The following CNKSR3 variants were observed in gnomAD, a reference collection of about 807,000 sequenced individuals.
The protein encoded by CNKSR3 is CNKSR family member 3, also known as connector enhancer of kinase suppressor of ras 3.
CNKSR3 carries 36 observed loss-of-function variants against 67.7 expected under a neutral mutation model. That is an observed-to-expected ratio of 0.53 (90% confidence interval 0.41 to 0.70). CNKSR3 has a LOEUF of 0.70. Ranked by LOEUF, CNKSR3 falls within the 30% of genes least tolerant of loss-of-function variation. CNKSR3 has a pLI of 0.00. For missense variants in CNKSR3, 630 were observed against 695.2 expected, an observed-to-expected ratio of 0.91 and a Z score of 1.05; for synonymous variants, 281 against 271.4, an observed-to-expected ratio of 1.04 and a Z score of -0.35.
chr6:154,433,343 T>C (rs574178650), intron 5 of CNKSR3, 123 bp downstream of exon 5: 2 of 707,562 alleles, frequency 2.8e-6, no homozygotes, highest in African/African-American at 1.8e-5. Flanking sequence ...TAAAAACTCA[T>C]GTCCCAAAAG....
rs1166654953 is a variant in CNKSR3, at chr6:154,420,688, C to CA, written c.945+1817dup. 1.0e-2 allele frequency among the ~76,000 whole-genome samples: 793 copies of CA among 79,360 alleles called. 37 individuals carry two copies. The highest frequency in any genetic ancestry group is 0.014 in the Non-Finnish European group (607 of 42,166). The allele number at this position is 79,360 out of a possible 152,430, so 52.1% of individuals were successfully genotyped here. ...TGGGCGACAGAGCGAGACTCCGTCT[C>CA]AAAAAAAAAAAAAAAAAAAAAAAAA... On this transcript the variant is annotated intron_variant, in intron 9 of 12. Transcript: ENST00000607772.
At chr6:154,448,939 C>T (rs544095686) in intron 2 of CNKSR3, among the ~76,000 whole-genome samples, 12 of 152,322 alleles carry the variant, frequency 7.9e-5, no homozygotes, top group African/African-American at 2.4e-4. Context: ...AGCCTGAATG[C>T]TGTCGAGTTT....
rs35204086 is a variant in CNKSR3, at chr6:154,395,977, G to A, written c.*10377C>T. On this transcript the variant is annotated 3_prime_UTR_variant, in exon 13 of 13. Coordinates refer to ENST00000607772, the MANE Select transcript of CNKSR3 (RefSeq NM_173515.4). ...AACTCCTGGGCTCAAGCAATCCACC[G>A]GCCTCAGCCTCCCAAAATGCTGAGA... The A allele has an allele frequency of 0.11, 16,314 of 152,266 alleles. 1,176 individuals carry two copies. Among genetic ancestry groups the A allele is most frequent in the Admixed American group, 0.24 (3,679 of 15,284 alleles). 9.4% of individuals were successfully genotyped at this position (152,266 alleles called of 1,614,324 possible).
intron 9 of CNKSR3, among the ~76,000 whole-genome samples, chr6:154,419,382 C>T (rs932927104): frequency 1.6e-4 from 24 of 152,008 alleles, no homozygotes; most frequent in African/African-American, 5.8e-4. Context: ...ATACAAATGG[C>T]CAACAGAGAT....
intron 9 of CNKSR3, among the ~76,000 whole-genome samples, chr6:154,421,041 T>C (rs1374862684): frequency 6.6e-6 from 1 of 152,218 alleles, no homozygotes; most frequent in African/African-American, 2.4e-5. Flanking sequence ...TGAGACAGGG[T>C]CTCACTCTGT....
Position 154,404,995 on chromosome 6 carries a change from A to C in CNKSR3, c.*1359T>G, listed in dbSNP as rs1784758844. ...GGGCTGAATTCCAGGCAGTTCAGCA[A>C]ACTCAACAATTCCGGTGGTATGAGA... On this transcript the variant is annotated 3_prime_UTR_variant, in exon 13 of 13. Coordinates refer to ENST00000607772, the MANE Select transcript of CNKSR3 (RefSeq NM_173515.4). 6.6e-6 allele frequency: 1 copy of C among 152,220 alleles called. No individual in the cohort carries two copies. Among genetic ancestry groups the C allele is most frequent in the Non-Finnish European group, 1.5e-5 (1 of 68,046 alleles). The allele number at this position is 152,220 out of a possible 1,614,324, so 9.4% of individuals were successfully genotyped here.
intron 1 of CNKSR3, among the ~76,000 whole-genome samples, chr6:154,469,946 T>G (rs1288928878): frequency 6.6e-6 from 1 of 152,166 alleles, no homozygotes; most frequent in African/African-American, 2.4e-5. Context: ...TAATTTTTTC[T>G]GATATTTTGA....
At position 154,402,573 on chromosome 6, in the gene CNKSR3, C is replaced by A. The variant is rs1562314677; in HGVS notation, c.*3781G>T. On this transcript the variant is annotated 3_prime_UTR_variant, in exon 13 of 13. Transcript: ENST00000607772. ...CATAACCAGGATGACTAGCACATAA[C>A]CTGGGTAACTCCCTCATATGCAAAA... The A allele has an allele frequency of 6.6e-6, 1 of 152,196 alleles. No individual in the cohort carries two copies. The highest frequency in any genetic ancestry group is 2.4e-5 in the African/African-American group (1 of 41,440). 9.4% of individuals were successfully genotyped at this position (152,196 alleles called of 1,614,324 possible).
At chr6:154,446,586 T>C (rs1785711132) in intron 2 of CNKSR3, among the ~76,000 whole-genome samples, 1 of 152,208 alleles carries the variant, frequency 6.6e-6, no homozygotes, top group African/African-American at 2.4e-5. Context: ...CTCAGAGGTA[T>C]ACCAGTGCGC....
At chr6:154,438,797 A>G (rs2128717091) in intron 4 of CNKSR3, among the ~76,000 whole-genome samples, 1 of 152,310 alleles carries the variant, frequency 6.6e-6, no homozygotes, top group South Asian at 2.1e-4. Context: ...TATCTGTCCA[A>G]AGCATTATTT....
Position 154,411,080 on chromosome 6 carries a change from G to A in CNKSR3, c.1133C>T (p.Pro378Leu), listed in dbSNP as rs779250236. 1 of 1,614,070 alleles carries A rather than the reference G, an allele frequency of 6.2e-7. No individual in the cohort carries two copies. Among genetic ancestry groups the A allele is most frequent in the Non-Finnish European group, 8.5e-7 (1 of 1,179,970 alleles). The change falls in exon 11 of 13, where the codon CCT becomes CTT. Residue 378 changes from proline to leucine, a missense_variant. By Grantham distance (98) the Pro-to-Leu change is moderately conservative (BLOSUM62 -3). Around this residue, in one of 3 missense-constraint regions of CNKSR3, gnomAD observed 308 missense variants for 299.6 expected, o/e 1.03. Coordinates refer to ENST00000607772, the MANE Select transcript of CNKSR3 (RefSeq NM_173515.4). Reference sequence around the variant, plus strand: ...GGAATTCGGGGACTCTGAACCCTTAGGACCAGGCAATGGTTGTTTGCACTT... The same window carrying A: ...GGAATTCGGGGACTCTGAACCCTTAAGACCAGGCAATGGTTGTTTGCACTT... ...SSKCKQPLPG[P>L]KGSESPNSFL...
chr6:154,412,261 C>A (rs1028474166), intron 10 of CNKSR3, among the ~76,000 whole-genome samples: 2 of 152,328 alleles, frequency 1.3e-5, no homozygotes, highest in Admixed American at 1.3e-4. Context: ...ATTCACAAAG[C>A]TTTCATGACT....
chr6:154,484,545 T>C lies in CNKSR3; in HGVS notation c.52+25518A>G, dbSNP rs1357153785. ...ATGGTGAAACCCCATCTCTACTAAA[T>C]ACAAAAATTAGCCGGGCATGGTGGT... On this transcript the variant is annotated intron_variant, in intron 1 of 12. Transcript: ENST00000607772. Among the ~76,000 whole-genome samples, 3 of 151,578 alleles carry C rather than the reference T, an allele frequency of 2.0e-5. No homozygotes were observed. The East Asian group carries it at 5.8e-4, about 29-fold the overall frequency.
chr6:154,414,810 A>G, intron 9 of CNKSR3: 1 of 486,122 alleles, frequency 2.1e-6, no homozygotes, highest in Non-Finnish European at 4.3e-6. Flanking sequence ...ATTACTAGCA[A>G]GGCTGGGCAC....
rs116254272 is a variant in CNKSR3 at position 154,407,324 on chromosome 6, C to T, written c.1370-672G>A. On this transcript the variant is annotated intron_variant, in intron 12 of 12. Transcript: ENST00000607772. Reference sequence around the variant, plus strand: ...ATTCCCGAACAAGGAAAAGAGTGATCCTGCCCTAACTGCCAGCAGACCCCC... The same window carrying T: ...ATTCCCGAACAAGGAAAAGAGTGATTCTGCCCTAACTGCCAGCAGACCCCC... Among the ~76,000 whole-genome samples, 186 of 152,254 alleles carry T rather than the reference C, an allele frequency of 1.2e-3. 1 individual carries two copies. The highest frequency in any genetic ancestry group is 4.4e-3 in the African/African-American group (181 of 41,552).
chr6:154,413,217 T>C (rs1022980633), intron 10 of CNKSR3, among the ~76,000 whole-genome samples: 1 of 151,910 alleles, frequency 6.6e-6, no homozygotes, highest in African/African-American at 2.4e-5. Context: ...GGTCTGAGTT[T>C]TTCTGTTTTT....
In CNKSR3 at chr6:154,400,778, T is replaced by C. The variant is rs2128709227; in HGVS notation, c.*5576A>G. The C allele has an allele frequency of 6.6e-6, 1 of 152,324 alleles. No homozygotes were observed. Among genetic ancestry groups the C allele is most frequent in the Non-Finnish European group, 1.5e-5 (1 of 68,032 alleles). The allele number at this position is 152,324 out of a possible 1,614,324, so 9.4% of individuals were successfully genotyped here. A position where few individuals can be genotyped will look rare whatever the true frequency, so the allele number is the denominator to read the frequency against. On this transcript the variant is annotated 3_prime_UTR_variant, in exon 13 of 13. Transcript: ENST00000607772. The stretch of plus-strand genomic sequence containing the variant: ...CTTTACTTATGTAAAAGGTACCCTT[T>C]GTCAAATTAGCACACTTCTGGCAAT...
intron 1 of CNKSR3, among the ~76,000 whole-genome samples, chr6:154,505,664 A>T (rs1401407666): frequency 1.3e-5 from 2 of 150,072 alleles, no homozygotes; most frequent in Non-Finnish European, 3.0e-5. Context: ...CACCCGGCTA[A>T]TTTTTTTTGT....
At chr6:154,481,730 G>C (rs574010296) in intron 1 of CNKSR3, among the ~76,000 whole-genome samples, 1 of 152,208 alleles carries the variant, frequency 6.6e-6, no homozygotes, top group East Asian at 1.9e-4. Flanking sequence ...AAAAAAATGA[G>C]TGACAGCAGG....
Sources: allele counts gnomAD v4.1 joint callset (sites outside exome capture counted in the v4.1 genomes callset), GRCh38; gene constraint gnomAD v4.1.1; regional missense constraint gnomAD v4.1.1; transcripts MANE v1.5; gene names NCBI Gene and HGNC (gene_info 2026-07-23, HGNC 2026-07-21).